Variants in DTYMK observed in about 807,000 individuals in gnomAD.
The protein encoded by DTYMK is thymidylate kinase.
A neutral mutation model predicts 20.3 loss-of-function variants in DTYMK; 20 were observed. The ratio of observed to expected loss-of-function variants is 0.99; its 90% confidence interval spans 0.69 to 1.43. DTYMK has a LOEUF of 1.43. DTYMK is among the 40% of genes most tolerant of loss of function. The pLI is 0.00. For synonymous variants in DTYMK, 148 were observed against 124.4 expected, an observed-to-expected ratio of 1.19 and a Z score of -1.27; for missense variants, 320 against 291.1, an observed-to-expected ratio of 1.10 and a Z score of -0.72.
chr2:241,676,693 C>T (rs922557145), intron 4 of DTYMK, among the ~76,000 whole-genome samples: 11 of 152,244 alleles, frequency 7.2e-5, no homozygotes, highest in East Asian at 1.9e-4. Context: ...TGCTTTAAGC[C>T]GACCTCAGCC....
At chr2:241,680,469 G>A in intron 2 of DTYMK, 150 bp from the exon 3 acceptor site, 2 of 696,880 alleles carry the variant, frequency 2.9e-6, no homozygotes, top group Non-Finnish European at 4.9e-6. Context: ...AAGGTCAGGA[G>A]ATCGAGACCA....
chr2:241,679,218 C>G (rs570811713), intron 3 of DTYMK, among the ~76,000 whole-genome samples: 9 of 152,336 alleles, frequency 5.9e-5, no homozygotes, highest in Admixed American at 5.9e-4. Flanking sequence ...CATCCCATCT[C>G]CCTCCAAATG....
In DTYMK at chr2:241,676,218, C is replaced by G; in HGVS notation, c.548G>C (p.Ser183Thr). The G allele has an allele frequency of 6.2e-7, 1 of 1,612,190 alleles. No homozygotes were observed. The highest frequency in any genetic ancestry group is 8.5e-7 in the Non-Finnish European group (1 of 1,179,470). The part of the protein sequence containing the change: ...LNWKMVDASK[S>T]IEAVHEDIRV... ...GATGTCCTCATGGACAGCTTCGATGCTTTTGGAAGCATCCACCATCTGTTC... is the reference window on the plus strand; with the variant it reads ...GATGTCCTCATGGACAGCTTCGATGGTTTTGGAAGCATCCACCATCTGTTC... Residue 183 changes from serine to threonine, a missense_variant, in exon 5 of 5, where the codon AGC becomes ACC. By Grantham distance (58) the Ser-to-Thr change is moderately conservative (BLOSUM62 1). Coordinates refer to ENST00000305784, the MANE Select transcript of DTYMK (RefSeq NM_012145.4).
intron 2 of DTYMK, among the ~76,000 whole-genome samples, chr2:241,681,282 G>A (rs2069251767): frequency 6.6e-6 from 1 of 152,246 alleles, no homozygotes; most frequent in African/African-American, 2.4e-5. Flanking sequence ...GCAGCAGAGG[G>A]ATGCAATGGT....
chr2:241,685,574 A>T (rs1420435170), intron 2 of DTYMK, 195 bp downstream of exon 2: 6 of 519,980 alleles, frequency 1.2e-5, no homozygotes, highest in Non-Finnish European at 2.1e-5. Context: ...GGGGAGCAGG[A>T]GGACGAAACA....
Position 241,686,662 on chromosome 2 carries a change from C to T in DTYMK, c.122G>A (p.Arg41Gln), listed in dbSNP as rs2069421146. ...CCGCCGCGCGCACCCACCCGGGAAC[C>T]GGAGCAGTTCGGCGCGGTGGCCCGC... Reference protein sequence around the residue: ...CAAGHRAELLRFPERSTEIGK... With the variant: ...CAAGHRAELLQFPERSTEIGK... The change falls in exon 1 of 5, where the codon CGG becomes CAG. Residue 41 changes from arginine to glutamine, a missense_variant. Coordinates refer to ENST00000305784, the MANE Select transcript of DTYMK (RefSeq NM_012145.4). The T allele has an allele frequency of 4.6e-6, 7 of 1,518,150 alleles. No individual in the cohort carries two copies. The highest frequency in any genetic ancestry group is 6.1e-6 in the Non-Finnish European group (7 of 1,144,784). 94.0% of individuals were successfully genotyped at this position (1,518,150 alleles called of 1,614,324 possible).
chr2:241,677,792 C>T (rs1306735530), intron 4 of DTYMK, among the ~76,000 whole-genome samples: 1 of 152,230 alleles, frequency 6.6e-6, no homozygotes, highest in Non-Finnish European at 1.5e-5. Context: ...CCCTCCTGAA[C>T]TTAGATGGCC....
intron 3 of DTYMK, among the ~76,000 whole-genome samples, chr2:241,679,857 T>C (rs896975950): frequency 6.6e-6 from 1 of 150,956 alleles, no homozygotes; most frequent in Non-Finnish European, 1.5e-5. Flanking sequence ...TAATCCCAGA[T>C]ACTCGGGAGA....
At chr2:241,686,107 G>C (rs1458391908) in intron 1 of DTYMK, among the ~76,000 whole-genome samples, 1 of 152,172 alleles carries the variant, frequency 6.6e-6, no homozygotes, top group South Asian at 2.1e-4. Context: ...AAAAGAACTC[G>C]GGTAGAAAGT....
intron 2 of DTYMK, 61 bp from the exon 3 acceptor site, chr2:241,680,380 T>TA (rs1168782021): frequency 6.9e-6 from 11 of 1,582,894 alleles, no homozygotes; most frequent in Non-Finnish European, 7.8e-6. Context: ...CTGTCAAGCT[T>TA]AAATTATCCC....
At position 241,683,139 on chromosome 2, in the gene DTYMK, C is replaced by T. The variant is rs191870852; in HGVS notation, c.239+2630G>A. ...CAGATCCCTTACGAAACCAGATACA[C>T]AGATGGCAAACAAGCATATGAAAAG... On this transcript the variant is annotated intron_variant, in intron 2 of 4. Transcript: ENST00000305784. Among the ~76,000 whole-genome samples the T allele has an allele frequency of 3.9e-5, 6 of 152,270 alleles. No individual in the cohort carries two copies. In the East Asian group the frequency reaches 1.2e-3, roughly 29 times the overall value.
chr2:241,681,080 A>G (rs2069247517), intron 2 of DTYMK, among the ~76,000 whole-genome samples: 1 of 152,178 alleles, frequency 6.6e-6, no homozygotes, highest in Admixed American at 6.5e-5. Context: ...TTCTCAGCCA[A>G]ATACCACAAG....
intron 2 of DTYMK, 29 bp downstream of exon 2, chr2:241,685,740 C>T (rs1451978151): frequency 6.2e-7 from 1 of 1,601,338 alleles, no homozygotes; most frequent in Non-Finnish European, 8.6e-7. Context: ...GTGGCAAGGG[C>T]AGAGGGAGCA....
At chr2:241,686,301 G>A (rs1178140284) in intron 1 of DTYMK, among the ~76,000 whole-genome samples, 2 of 152,242 alleles carry the variant, frequency 1.3e-5, no homozygotes, top group African/African-American at 4.8e-5. Flanking sequence ...AAGAGCTGGA[G>A]GAGACTTTTG....
Position 241,686,744 on chromosome 2 carries a change from C to A in DTYMK, c.40G>T (p.Val14Leu). 1 of 1,542,348 alleles carries A rather than the reference C, an allele frequency of 6.5e-7. No homozygotes were observed. Among genetic ancestry groups the A allele is most frequent in the Non-Finnish European group, 8.6e-7 (1 of 1,158,144 alleles). The change falls in exon 1 of 5, where the codon GTG becomes TTG. Residue 14 changes from valine to leucine, a missense_variant. Val to Leu is a conservative substitution (Grantham distance 32, BLOSUM62 1). Coordinates refer to ENST00000305784, the MANE Select transcript of DTYMK (RefSeq NM_012145.4). ...TGCGTGCTCTTCCCGGCGCGGTCCA[C>A]GCCCTCCAGCACTATGAGAGCCCCG... is the stretch of plus-strand genomic sequence containing the variant. Reference protein sequence around the residue: ...RRGALIVLEGVDRAGKSTQSR... With the variant: ...RRGALIVLEGLDRAGKSTQSR...
intron 4 of DTYMK, among the ~76,000 whole-genome samples, chr2:241,677,768 G>C (rs576521370): frequency 2.0e-5 from 3 of 152,344 alleles, no homozygotes; most frequent in African/African-American, 7.2e-5. Flanking sequence ...TGAAGGGAGA[G>C]GCAGCACACA....
chr2:241,676,824 C>T (rs567254583), intron 4 of DTYMK, among the ~76,000 whole-genome samples: 7 of 152,366 alleles, frequency 4.6e-5, no homozygotes, highest in South Asian at 4.1e-4. Flanking sequence ...AGCGGCGAGT[C>T]GGAAGCACAG....
At position 241,675,784 on chromosome 2, in the gene DTYMK, TAGG is replaced by T. The variant is rs2069097313; in HGVS notation, c.*340_*342del. On this transcript the variant is annotated 3_prime_UTR_variant, in exon 5 of 5. Coordinates refer to ENST00000305784, the MANE Select transcript of DTYMK (RefSeq NM_012145.4). ...TTTTTACTAGTGTCTGGAAGACATT[TAGG>T]AGAATTCCAACTGATTACCATTTAC... 2 of 177,120 alleles carry T rather than the reference TAGG, an allele frequency of 1.1e-5. No individual in the cohort carries two copies. Among genetic ancestry groups the T allele is most frequent in the African/African-American group, 2.4e-5 (1 of 42,530 alleles). The allele number at this position is 177,120 out of a possible 1,614,324, so 11.0% of individuals were successfully genotyped here.
At position 241,678,636 on chromosome 2, in the gene DTYMK, T is replaced by C. The variant is rs1353328576; in HGVS notation, c.344A>G (p.Asp115Gly). ...FTGAKENFSL[D>G]WCKQPDVGLP... ...GCCCACGTCTGGCTGTTTACACCAA[T>C]CTAGGGAAAAATTCTGCCAAGAAAG... is the stretch of plus-strand genomic sequence containing the variant. The change falls in exon 4 of 5, where the codon GAT becomes GGT. Residue 115 changes from aspartate (D) to glycine (G), a missense_variant. Transcript: ENST00000305784. 2.5e-6 allele frequency: 4 copies of C among 1,613,968 alleles called. No individual in the cohort carries two copies. Among genetic ancestry groups the C allele is most frequent in the South Asian group, 2.2e-5 (2 of 91,080 alleles).
Sources: gnomAD v4.1 joint callset for allele counts (sites outside exome capture counted in the v4.1 genomes callset) on GRCh38, gnomAD v4.1.1 for gene constraint, MANE v1.5 for transcripts, NCBI Gene and HGNC (gene_info 2026-07-23, HGNC 2026-07-21) for gene names.